Variants in CEP112 observed in about 807,000 individuals in gnomAD.
CEP112 encodes centrosomal protein of 112 kDa.
A neutral mutation model predicts 153.0 loss-of-function variants in CEP112; 127 were observed. That is an observed-to-expected ratio of 0.83 (90% CI 0.72 to 0.96). CEP112 has a LOEUF of 0.96. Ranked by LOEUF, CEP112 falls within the 40% of genes least tolerant of loss-of-function variation. CEP112 has a pLI of 0.00. For synonymous variants in CEP112, 358 were observed against 374.4 expected (o/e 0.96, Z 0.51); for missense variants, 1,089 against 1,101.2 (o/e 0.99, Z 0.16).
intron 8 of CEP112, among the ~76,000 whole-genome samples, chr17:66,072,420 A>C (rs1203201275): frequency 1.3e-5 from 2 of 152,198 alleles, no homozygotes; most frequent in African/African-American, 4.8e-5. Flanking sequence ...TTTAGTTGTC[A>C]CATCAACTAT....
intron 12 of CEP112, among the ~76,000 whole-genome samples, chr17:66,041,102 A>AG (rs977359430): frequency 2.6e-5 from 4 of 151,652 alleles, no homozygotes; most frequent in African/African-American, 9.7e-5. Flanking sequence ...GCTTGGTAAA[A>AG]AAAAAAAGTA....
chr17:65,970,891 A>T (rs1184912392), intron 17 of CEP112, among the ~76,000 whole-genome samples: 1 of 59,734 alleles, frequency 1.7e-5, no homozygotes, highest in African/African-American at 5.2e-5. Flanking sequence ...TGCATATCAC[A>T]TCTGTGTGCA....
chr17:65,924,166 C>T (rs7221082), intron 19 of CEP112, among the ~76,000 whole-genome samples: 5,751 of 151,966 alleles, frequency 0.038, 327 homozygotes, highest in African/African-American at 0.12. Flanking sequence ...TTAGTAGAGA[C>T]GGGGTTTCGC....
intron 8 of CEP112, among the ~76,000 whole-genome samples, chr17:66,081,771 C>T (rs968769570): frequency 5.9e-5 from 9 of 152,186 alleles, no homozygotes; most frequent in African/African-American, 1.9e-4. Context: ...AAAAATTAGC[C>T]GGACATGGTG....
intron 17 of CEP112, among the ~76,000 whole-genome samples, chr17:65,969,642 GCATAT>G (rs1215350717): frequency 6.6e-6 from 1 of 152,176 alleles, no homozygotes; most frequent in African/African-American, 2.4e-5. Flanking sequence ...CATATTGCAA[GCATAT>G]ATGACATGTA....
intron 21 of CEP112, among the ~76,000 whole-genome samples, chr17:65,849,061 T>G (rs899209866): frequency 5.9e-5 from 9 of 152,178 alleles, no homozygotes; most frequent in Non-Finnish European, 1.5e-5. Flanking sequence ...GTTTACCCAA[T>G]GAAGCAAAAA....
intron 17 of CEP112, among the ~76,000 whole-genome samples, chr17:65,990,899 C>T (rs1009791239): frequency 2.0e-5 from 3 of 152,178 alleles, no homozygotes; most frequent in Non-Finnish European, 2.9e-5. Context: ...AGGAGAGCAG[C>T]GACTGGGGAA....
chr17:65,752,010 CCTTT>C (rs2051898787), intron 21 of CEP112, among the ~76,000 whole-genome samples: 2 of 115,734 alleles, frequency 1.7e-5, no homozygotes, highest in African/African-American at 3.5e-5. Context: ...ATCTACTGTT[CCTTT>C]CATCCATCCA....
At chr17:66,032,621 T>C (rs1270457051) in intron 12 of CEP112, among the ~76,000 whole-genome samples, 1 of 152,168 alleles carries the variant, frequency 6.6e-6, no homozygotes, top group African/African-American at 2.4e-5. Context: ...CTCTCAGAAG[T>C]GAGAGAAGAG....
At chr17:65,675,226 T>C (rs1482102849) in intron 24 of CEP112, among the ~76,000 whole-genome samples, 5 of 152,174 alleles carry the variant, frequency 3.3e-5, no homozygotes, top group African/African-American at 9.7e-5. Flanking sequence ...GAAGTAAAAG[T>C]AGAAAAATCT....
rs192529420 is a variant in CEP112 at position 66,118,042 on chromosome 17, G to A, written c.642+11704C>T. Among the ~76,000 whole-genome samples the A allele has an allele frequency of 2.1e-4, 32 of 152,256 alleles. No homozygotes were observed. The East Asian group carries it at 6.2e-3, about 29-fold the overall frequency. On this transcript the variant is annotated intron_variant, in intron 6 of 26. Transcript: ENST00000535342. ...CTGACGAGGATGTGGAGAAAGGGGA[G>A]CCCCTAGACACTGGTGGTGGGAATG...
intron 12 of CEP112, among the ~76,000 whole-genome samples, chr17:66,035,431 G>A (rs1568412225): frequency 6.6e-6 from 1 of 151,984 alleles, no homozygotes; most frequent in Non-Finnish European, 1.5e-5. Flanking sequence ...AAACCTTCAG[G>A]TTCCAACAGA....
chr17:66,047,435 C>G (rs2066258786), intron 12 of CEP112, among the ~76,000 whole-genome samples: 1 of 152,084 alleles, frequency 6.6e-6, no homozygotes, highest in African/African-American at 2.4e-5. Flanking sequence ...ATTAAAACAC[C>G]CATCTTTGGT....
chr17:65,903,538 A>G (rs1225138511), intron 19 of CEP112, among the ~76,000 whole-genome samples: 1 of 152,196 alleles, frequency 6.6e-6, no homozygotes, highest in African/African-American at 2.4e-5. Context: ...TTGTGATTAA[A>G]GAGTAGCGGG....
intron 6 of CEP112, among the ~76,000 whole-genome samples, chr17:66,106,640 A>T (rs886451975): frequency 7.2e-5 from 11 of 152,098 alleles, no homozygotes; most frequent in African/African-American, 2.7e-4. Context: ...ATGAGATTGA[A>T]GCTGTAATAA....
At chr17:66,050,944 G>C (rs1217217188) in intron 12 of CEP112, among the ~76,000 whole-genome samples, 4 of 152,138 alleles carry the variant, frequency 2.6e-5, no homozygotes, top group Admixed American at 1.3e-4. Flanking sequence ...TTCCATGGAA[G>C]GGAATGGAGG....
At chr17:66,045,027 G>A (rs997208324) in intron 12 of CEP112, among the ~76,000 whole-genome samples, 3 of 151,290 alleles carry the variant, frequency 2.0e-5, no homozygotes, top group Non-Finnish European at 4.4e-5. Context: ...AGCCAAAAGG[G>A]AAATGGAAAT....
At chr17:66,189,943 GA>G (rs1189669266) in intron 1 of CEP112, among the ~76,000 whole-genome samples, 13 of 151,948 alleles carry the variant, frequency 8.6e-5, no homozygotes, top group Non-Finnish European at 1.3e-4. Flanking sequence ...GAGGTGGGAG[GA>G]TCACTTGAGC....
At chr17:65,808,254 A>G (rs1026226804) in intron 21 of CEP112, among the ~76,000 whole-genome samples, 1 of 152,136 alleles carries the variant, frequency 6.6e-6, no homozygotes, top group Admixed American at 6.6e-5. Flanking sequence ...CATTTACCCA[A>G]TGCTTGTACT....
Sources: allele counts gnomAD v4.1 joint callset (sites outside exome capture counted in the v4.1 genomes callset), GRCh38; gene constraint gnomAD v4.1.1; transcripts MANE v1.5; gene names NCBI Gene and HGNC (gene_info 2026-07-23, HGNC 2026-07-21).